The following EPHB1 variants were observed in gnomAD, a reference collection of about 807,000 sequenced individuals.
EPHB1 encodes the protein ephrin type-B receptor 1.
Under a neutral mutation model 94.4 loss-of-function variants are expected in EPHB1, and 30 were observed. The ratio of observed to expected loss-of-function variants is 0.32; its 90% confidence interval spans 0.24 to 0.43. The LOEUF is 0.43. EPHB1 is among the 20% of genes least tolerant of loss of function. EPHB1 has a pLI of 1.00. For missense variants in EPHB1, 1,055 were observed against 1,308.3 expected (o/e 0.81, Z 2.99); for synonymous variants, 522 against 489.1 (o/e 1.07, Z -0.89).
intron 5 of EPHB1, among the ~76,000 whole-genome samples, chr3:135,134,689 A>G (rs1221837955): frequency 6.6e-6 from 1 of 152,226 alleles, no homozygotes; most frequent in Admixed American, 6.5e-5. Context: ...CATTATGTTA[A>G]GCATGTAACA....
At chr3:134,854,927 G>A (rs2037079081) in intron 1 of EPHB1, among the ~76,000 whole-genome samples, 1 of 152,016 alleles carries the variant, frequency 6.6e-6, no homozygotes, top group South Asian at 2.1e-4. Context: ...AAAAAATGAA[G>A]TGAATTATAA....
At chr3:134,835,346 G>T (rs2036653986) in intron 1 of EPHB1, among the ~76,000 whole-genome samples, 1 of 152,214 alleles carries the variant, frequency 6.6e-6, no homozygotes, top group Non-Finnish European at 1.5e-5. Context: ...TTTAATGGTA[G>T]TAGATTCTGT....
intron 11 of EPHB1, among the ~76,000 whole-genome samples, chr3:135,198,901 G>A (rs575567477): frequency 6.6e-6 from 1 of 152,280 alleles, no homozygotes; most frequent in East Asian, 1.9e-4. Context: ...CAACCACTAA[G>A]CTGCAGAGCC....
At chr3:134,950,465 TTA>T (rs1932983656) in intron 2 of EPHB1, among the ~76,000 whole-genome samples, 2 of 152,182 alleles carry the variant, frequency 1.3e-5, no homozygotes, top group African/African-American at 4.8e-5. Flanking sequence ...GCTGAGTAAT[TTA>T]TAAAGAAAAG....
intron 1 of EPHB1, among the ~76,000 whole-genome samples, chr3:134,899,395 C>G (rs996764771): frequency 6.6e-6 from 1 of 152,110 alleles, no homozygotes; most frequent in Non-Finnish European, 1.5e-5. Context: ...TGTTGACCCC[C>G]CAAAACACCC....
At chr3:134,957,624 G>C (rs919176287) in intron 3 of EPHB1, among the ~76,000 whole-genome samples, 6 of 152,202 alleles carry the variant, frequency 3.9e-5, no homozygotes, top group Admixed American at 2.0e-4. Flanking sequence ...GCTCTTGGCA[G>C]GGAAAAGAGG....
chr3:134,901,207 A>G (rs62270283), intron 1 of EPHB1, among the ~76,000 whole-genome samples: 22,751 of 152,184 alleles, frequency 0.15, 2,193 homozygotes, highest in African/African-American at 0.27. Flanking sequence ...TAGTGTTATC[A>G]AATACCCAGT....
rs569199852 is a variant in EPHB1, at chr3:134,845,932, A to G, written c.58+50243A>G. Among the ~76,000 whole-genome samples the G allele has an allele frequency of 3.3e-5, 5 of 152,018 alleles. 1 individual carries two copies. Among genetic ancestry groups the G allele is most frequent in the African/African-American group, 1.2e-4 (5 of 41,382 alleles). Reference sequence around the variant, plus strand: ...ACCCCTCTGGCCCCTCTGCTTACACACACAGACACATGCTGGGAGGTGGAG... The same window carrying G: ...ACCCCTCTGGCCCCTCTGCTTACACGCACAGACACATGCTGGGAGGTGGAG... On this transcript the variant is annotated intron_variant, in intron 1 of 15. Transcript: ENST00000398015.
At chr3:135,053,021 G>GTATATA (rs1400909264) in intron 3 of EPHB1, among the ~76,000 whole-genome samples, 2 of 68,852 alleles carry the variant, frequency 2.9e-5, no homozygotes, top group African/African-American at 1.5e-4. Flanking sequence ...ATATGTGTGT[G>GTATATA]TGTGTGTATA....
chr3:135,062,940 G>T (rs1228149406), intron 3 of EPHB1, among the ~76,000 whole-genome samples: 1 of 152,072 alleles, frequency 6.6e-6, no homozygotes, highest in African/African-American at 2.4e-5. Flanking sequence ...TGTTGAAAAG[G>T]GTGTCCTTTC....
chr3:134,796,669 G>A (rs2108280741), intron 1 of EPHB1, among the ~76,000 whole-genome samples: 1 of 152,002 alleles, frequency 6.6e-6, no homozygotes, highest in East Asian at 1.9e-4. Context: ...CAGCCTAGCA[G>A]CGGCCGCGGC....
At chr3:135,202,920 T>G (rs1942796379) in intron 12 of EPHB1, among the ~76,000 whole-genome samples, 1 of 152,212 alleles carries the variant, frequency 6.6e-6, no homozygotes. Context: ...CACATGCACA[T>G]GTATGTTTTT....
At chr3:134,900,147 T>C (rs2038172389) in intron 1 of EPHB1, among the ~76,000 whole-genome samples, 1 of 152,136 alleles carries the variant, frequency 6.6e-6, no homozygotes, top group African/African-American at 2.4e-5. Flanking sequence ...ATAGGGCCTG[T>C]CTCATAGGCT....
intron 1 of EPHB1, among the ~76,000 whole-genome samples, chr3:134,848,028 T>C (rs926935222): frequency 6.6e-6 from 1 of 152,204 alleles, no homozygotes; most frequent in African/African-American, 2.4e-5. Flanking sequence ...GGGGGCATTT[T>C]TGTATTTTCT....
Position 135,166,053 on chromosome 3 carries a change from G to A in EPHB1, c.1671G>A (p.Val557=), listed in dbSNP as rs767758000. 6.2e-7 allele frequency: 1 copy of A among 1,613,822 alleles called. No homozygotes were observed. The highest frequency in any genetic ancestry group is 1.1e-5 in the South Asian group (1 of 91,076). The part of the protein sequence containing the change: ...AAGVVFVVSL[V]AISIVCSRKR... ...GGGTCGTGTTCGTTGTGTCCTTGGT[G>A]GCCATCTCTATCGTCTGTAGCAGGT... The change falls in exon 8 of 16, where the codon GTG becomes GTA. Residue 557 remains valine (V), a synonymous_variant. Transcript: ENST00000398015.
At chr3:135,177,723 G>T (rs1233373863) in intron 9 of EPHB1, among the ~76,000 whole-genome samples, 1 of 152,062 alleles carries the variant, frequency 6.6e-6, no homozygotes, top group Non-Finnish European at 1.5e-5. Context: ...CAAAAATCTT[G>T]CCTCTAGGGC....
At chr3:134,818,934 C>T (rs561463813) in intron 1 of EPHB1, among the ~76,000 whole-genome samples, 71 of 152,200 alleles carry the variant, frequency 4.7e-4, no homozygotes, top group African/African-American at 1.4e-3. Context: ...GACTGTGTTT[C>T]GAGGTGAGCA....
chr3:135,111,593 G>T (rs149019301), intron 4 of EPHB1, among the ~76,000 whole-genome samples: 1 of 152,244 alleles, frequency 6.6e-6, no homozygotes, highest in East Asian at 1.9e-4. Flanking sequence ...ATGTACGAGC[G>T]CATCTGTGTT....
At chr3:135,177,283 G>T (rs149881162) in intron 9 of EPHB1, among the ~76,000 whole-genome samples, 1 of 152,170 alleles carries the variant, frequency 6.6e-6, no homozygotes, top group Non-Finnish European at 1.5e-5. Context: ...TCTCACCACA[G>T]CACAGAATTT....
Sources: allele counts gnomAD v4.1 joint callset (sites outside exome capture counted in the v4.1 genomes callset), GRCh38; gene constraint gnomAD v4.1.1; transcripts MANE v1.5; gene names NCBI Gene and HGNC (gene_info 2026-07-23, HGNC 2026-07-21).